Variants in FHIT observed in about 807,000 individuals in gnomAD.
The protein encoded by FHIT is fragile histidine triad diadenosine triphosphatase.
FHIT carries 19 observed loss-of-function variants against 17.9 expected under a neutral mutation model. The ratio of observed to expected loss-of-function variants is 1.06; its 90% CI spans 0.74 to 1.56. The LOEUF is 1.56. Among genes scored for constraint, FHIT ranks in the 40% most tolerant of loss-of-function variants. The pLI, the probability that FHIT is intolerant of heterozygous loss-of-function variation, is 0.00. For synonymous variants in FHIT, 81 were observed against 69.7 expected (o/e 1.16, Z -0.81); for missense variants, 248 against 189.2 (o/e 1.31, Z -1.82).
rs551120665 is a variant in FHIT at position 61,119,357 on chromosome 3, A to G, written c.-163-77258T>C. 2.0e-5 allele frequency among the ~76,000 whole-genome samples: 3 copies of G among 152,196 alleles called. No individual in the cohort carries two copies. In the South Asian group the frequency reaches 6.2e-4, roughly 32 times the overall value. On this transcript the variant is annotated intron_variant, in intron 2 of 9. Transcript: ENST00000492590. ...TTCAGCCTCCTGAGCAGCTGGGATT[A>G]CAGCCACCATGCCCAGCTAATTTTT...
At position 60,029,899 on chromosome 3, in the gene FHIT, G is replaced by GTGTGTGTC. The variant is rs1553655746; in HGVS notation, c.104-15748_104-15747insGACACACA. Among the ~76,000 whole-genome samples the GTGTGTGTC allele has an allele frequency of 7.6e-3, 939 of 123,222 alleles. 5 individuals carry two copies. Among genetic ancestry groups the GTGTGTGTC allele is most frequent in the Middle Eastern group, 0.012 (3 of 256 alleles). 80.8% of individuals were successfully genotyped at this position (123,222 alleles called of 152,430 possible). ...AAGCATTGTGTGTGTGTGTGTGTCT[G>GTGTGTGTC]TGTGTGTGTGTGTGTGTGTGTGTGT... On this transcript the variant is annotated intron_variant, in intron 5 of 9. Coordinates refer to ENST00000492590, the MANE Select transcript of FHIT (RefSeq NM_002012.4).
At position 60,900,219 on chromosome 3, in the gene FHIT, C is replaced by T. The variant is rs1706045926; in HGVS notation, c.-110-78208G>A. On this transcript the variant is annotated intron_variant, in intron 3 of 9. Transcript: ENST00000492590. ...AGGCAGAGTAATGGGGATTCAGGGC[C>T]ACAGTTAGGGTGCAGCAAATGAGGT... 4.6e-5 allele frequency among the ~76,000 whole-genome samples: 7 copies of T among 152,150 alleles called. No individual in the cohort carries two copies. In the South Asian group the frequency reaches 1.5e-3, roughly 32 times the overall value.
chr3:61,039,015 AC>A (rs1162588589), intron 3 of FHIT, among the ~76,000 whole-genome samples: 1 of 152,132 alleles, frequency 6.6e-6, no homozygotes, highest in African/African-American at 2.4e-5. Flanking sequence ...TGCACTATTC[AC>A]TCTACTTGGT....
chr3:60,701,019 G>A (rs2041232873), intron 4 of FHIT, among the ~76,000 whole-genome samples: 1 of 151,226 alleles, frequency 6.6e-6, no homozygotes, highest in Admixed American at 6.6e-5. Flanking sequence ...GATTTTTATT[G>A]TAAAAAATAG....
chr3:60,147,168 T>G (rs935958037), intron 5 of FHIT, among the ~76,000 whole-genome samples: 1 of 152,292 alleles, frequency 6.6e-6, no homozygotes, highest in African/African-American at 2.4e-5. Flanking sequence ...AGGGTATTAA[T>G]GAATCCAACC....
At chr3:60,250,098 A>G (rs948700288) in intron 5 of FHIT, among the ~76,000 whole-genome samples, 1 of 152,030 alleles carries the variant, frequency 6.6e-6, no homozygotes, top group Non-Finnish European at 1.5e-5. Context: ...TAACCAAACC[A>G]TATCAGAGAA....
chr3:60,360,039 C>CAGG (rs1456803683), intron 5 of FHIT, among the ~76,000 whole-genome samples: 1 of 142,442 alleles, frequency 7.0e-6, no homozygotes, highest in Non-Finnish European at 1.5e-5. Flanking sequence ...CAGATCCCTG[C>CAGG]TTTGGAAAAA....
chr3:60,314,699 A>C (rs1709091705), intron 5 of FHIT, among the ~76,000 whole-genome samples: 1 of 152,198 alleles, frequency 6.6e-6, no homozygotes. Flanking sequence ...AAAAATGGCC[A>C]CAAAATCTTT....
At chr3:61,118,333 A>T (rs2036360274) in intron 2 of FHIT, among the ~76,000 whole-genome samples, 1 of 152,148 alleles carries the variant, frequency 6.6e-6, no homozygotes, top group Non-Finnish European at 1.5e-5. Flanking sequence ...AGTTGGCCTC[A>T]GTGGACACTA....
chr3:60,684,837 T>G (rs2040827122), intron 4 of FHIT, among the ~76,000 whole-genome samples: 1 of 152,110 alleles, frequency 6.6e-6, no homozygotes, highest in South Asian at 2.1e-4. Context: ...ATGCTAAAGA[T>G]TGAAGGAGTT....
chr3:60,677,220 G>A (rs2040641701), intron 4 of FHIT, among the ~76,000 whole-genome samples: 1 of 152,068 alleles, frequency 6.6e-6, no homozygotes, highest in Non-Finnish European at 1.5e-5. Context: ...GTGCAGTTTT[G>A]TTATATGGAT....
At chr3:60,614,809 G>GTTTTTTTT (rs147892145) in intron 4 of FHIT, among the ~76,000 whole-genome samples, 95 of 78,172 alleles carry the variant, frequency 1.2e-3, no homozygotes, top group Middle Eastern at 6.8e-3. Context: ...TGCAAAAGTT[G>GTTTTTTTT]TTTTTTTTTT....
intron 1 of FHIT, among the ~76,000 whole-genome samples, chr3:61,219,439 A>C (rs1342190883): frequency 2.0e-4 from 31 of 152,204 alleles, no homozygotes; most frequent in Non-Finnish European, 7.4e-5. Flanking sequence ...ATAGATATCT[A>C]GACAATAGTC....
At chr3:60,126,859 A>G (rs1359286982) in intron 5 of FHIT, among the ~76,000 whole-genome samples, 1 of 152,182 alleles carries the variant, frequency 6.6e-6, no homozygotes, top group African/African-American at 2.4e-5. Flanking sequence ...CCCTCTTATC[A>G]TATCTACTCA....
At chr3:60,745,665 C>T (rs997287244) in intron 4 of FHIT, among the ~76,000 whole-genome samples, 77 of 152,200 alleles carry the variant, frequency 5.1e-4, no homozygotes, top group African/African-American at 1.7e-3. Flanking sequence ...GTAATTTGGA[C>T]TTGGATGGTA....
chr3:60,347,074 T>C (rs1287650685), intron 5 of FHIT, among the ~76,000 whole-genome samples: 1 of 151,950 alleles, frequency 6.6e-6, no homozygotes, highest in Non-Finnish European at 1.5e-5. Context: ...TCTTGAATTT[T>C]TTTTTTCCAA....
chr3:60,470,151 G>A (rs996934063), intron 5 of FHIT, among the ~76,000 whole-genome samples: 20 of 151,682 alleles, frequency 1.3e-4, no homozygotes, highest in African/African-American at 4.6e-4. Context: ...GACTATATTG[G>A]GTCAGAAATG....
At chr3:60,113,301 T>A (rs1347677958) in intron 5 of FHIT, among the ~76,000 whole-genome samples, 1 of 152,098 alleles carries the variant, frequency 6.6e-6, no homozygotes, top group Admixed American at 6.5e-5. Flanking sequence ...AATAAATTGT[T>A]TAATGCATAA....
chr3:60,995,717 C>A (rs1281898624), intron 3 of FHIT, among the ~76,000 whole-genome samples: 1 of 152,152 alleles, frequency 6.6e-6, no homozygotes, highest in Non-Finnish European at 1.5e-5. Context: ...TGTCTGTTTC[C>A]ATTTCAGGCA....
Sources: allele counts gnomAD v4.1 joint callset (sites outside exome capture counted in the v4.1 genomes callset), GRCh38; gene constraint gnomAD v4.1.1; transcripts MANE v1.5; gene names NCBI Gene and HGNC (gene_info 2026-07-23, HGNC 2026-07-21).